OR4F15: variants seen among roughly 807,000 people sequenced by gnomAD.
OR4F15 encodes olfactory receptor 4F15.
OR4F15 carries 7 observed loss-of-function variants against 11.9 expected under a neutral mutation model. The ratio of observed to expected loss-of-function variants is 0.59; its 90% CI spans 0.33 to 1.10. The LOEUF is 1.10. Ranked by LOEUF, OR4F15 falls within the 50% of genes least tolerant of loss-of-function variation. The probability of loss-of-function intolerance (pLI) is 0.03; values close to 1 mark genes in which losing one functional copy is unlikely to be tolerated. For synonymous variants in OR4F15, 151 were observed against 134.6 expected (o/e 1.12, Z -0.84); for missense variants, 445 against 377.5 (o/e 1.18, Z -1.48).
Position 101,818,672 on chromosome 15 carries a change from TG to T in OR4F15, c.487del (p.Val163TrpfsTer2). The T allele has an allele frequency of 6.2e-7, 1 of 1,614,212 alleles. No individual in the cohort carries two copies. Among genetic ancestry groups the T allele is most frequent in the Non-Finnish European group, 8.5e-7 (1 of 1,180,030 alleles). ...LIHSLVQLVF[V>X]VDLPFCGPNI... The stretch of plus-strand genomic sequence containing the variant: ...TCCACTCATTGGTCCAATTAGTTTT[TG>T]TGGTAGATTTACCTTTTTGTGGTCC... On this transcript the variant is annotated frameshift_variant, in exon 2 of 2. Transcript: ENST00000332238. LOFTEE classifies it high-confidence loss of function.
rs1393459360 is a variant in OR4F15, at chr15:101,819,153, A to G, written c.*28A>G. The G allele has an allele frequency of 4.2e-6, 6 of 1,437,472 alleles. No individual in the cohort carries two copies. Among genetic ancestry groups the G allele is most frequent in the Non-Finnish European group, 4.8e-6 (5 of 1,046,544 alleles). 89.0% of individuals were successfully genotyped at this position (1,437,472 alleles called of 1,614,324 possible). Reference sequence around the variant, plus strand: ...GGCTTGGCTGTCAAGATGTGTAACTATGGATTACTCCTCATGCTGATTGCA... The same window carrying G: ...GGCTTGGCTGTCAAGATGTGTAACTGTGGATTACTCCTCATGCTGATTGCA... On this transcript the variant is annotated 3_prime_UTR_variant, in exon 2 of 2. Coordinates refer to ENST00000332238, the MANE Select transcript of OR4F15 (RefSeq NM_001001674.2).
intron 1 of OR4F15, among the ~76,000 whole-genome samples, chr15:101,812,798 T>C (rs565277679): frequency 2.0e-4 from 31 of 152,284 alleles, no homozygotes; most frequent in African/African-American, 7.2e-4. Context: ...TAAAATTAGT[T>C]GATTGAAGAA....
intron 1 of OR4F15, among the ~76,000 whole-genome samples, chr15:101,813,476 T>C (rs962072606): frequency 1.4e-5 from 2 of 139,340 alleles, no homozygotes; most frequent in Non-Finnish European, 3.0e-5. Flanking sequence ...GCCATGGCAA[T>C]CCAGCCTGGG....
chr15:101,818,770 T>G lies in OR4F15; in HGVS notation c.584T>G (p.Leu195Arg), dbSNP rs1252563127. The G allele has an allele frequency of 2.5e-6, 4 of 1,614,132 alleles. No homozygotes were observed. The highest frequency in any genetic ancestry group is 1.6e-4 in the Middle Eastern group (1 of 6,062). Residue 195 changes from leucine to arginine, a missense_variant, in exon 2 of 2, where the codon CTG becomes CGG. Coordinates refer to ENST00000332238, the MANE Select transcript of OR4F15 (RefSeq NM_001001674.2). ...CTTGCCTGTACCAACACCCAAGAAC[T>G]GGAGTTCATGGTCACTGTCAATAGT... ...LRLACTNTQE[L>R]EFMVTVNSGL... is the part of the protein sequence containing the mutation.
In OR4F15 at chr15:101,818,993, A is replaced by G. The variant is rs1307776547; in HGVS notation, c.807A>G (p.Lys269=). Residue 269 remains lysine (K), a synonymous_variant, in exon 2 of 2, where the codon AAA becomes AAG. Coordinates refer to ENST00000332238, the MANE Select transcript of OR4F15 (RefSeq NM_001001674.2). The part of the protein sequence containing the change: ...TWPSPTSHLD[K]YLAIFDAFIT... Reference sequence around the variant, plus strand: ...CTTCTCCCACATCACACCTGGATAAATATCTTGCTATTTTTGATGCATTTA... The same window carrying G: ...CTTCTCCCACATCACACCTGGATAAGTATCTTGCTATTTTTGATGCATTTA... 6.2e-7 allele frequency: 1 copy of G among 1,613,976 alleles called. No individual in the cohort carries two copies. The highest frequency in any genetic ancestry group is 1.3e-5 in the African/African-American group (1 of 74,894).
chr15:101,817,456 C>T (rs750734581), intron 1 of OR4F15, among the ~76,000 whole-genome samples: 13 of 152,074 alleles, frequency 8.5e-5, no homozygotes, highest in African/African-American at 2.7e-4. Flanking sequence ...TGGGAGCTAC[C>T]GTTGTGGATC....
intron 1 of OR4F15, among the ~76,000 whole-genome samples, chr15:101,814,273 C>G (rs1292301170): frequency 6.6e-6 from 1 of 152,206 alleles, no homozygotes; most frequent in Non-Finnish European, 1.5e-5. Context: ...AGCTATTACT[C>G]TGTCTCCTGA....
chr15:101,818,457 G>C lies in OR4F15; in HGVS notation c.271G>C (p.Ala91Pro), dbSNP rs778316754. The change falls in exon 2 of 2, where the codon GCC becomes CCC. Residue 91 changes from alanine (A) to proline (P), a missense_variant. Transcript: ENST00000332238. ...TTGTGATATTTTCAAGAAGCACAAG[G>C]CCATCTCCTTTCGGGGATGTATTAC... ...MICDIFKKHKAISFRGCITQI... is the reference protein window; with the variant it reads ...MICDIFKKHKPISFRGCITQI... The C allele has an allele frequency of 4.3e-6, 7 of 1,613,980 alleles. No homozygotes were observed. Among genetic ancestry groups the C allele is most frequent in the Middle Eastern group, 1.6e-4 (1 of 6,084 alleles).
intron 1 of OR4F15, among the ~76,000 whole-genome samples, chr15:101,813,425 C>T (rs749920825): frequency 2.5e-4 from 38 of 150,362 alleles, no homozygotes; most frequent in Non-Finnish European, 1.6e-4. Context: ...TACAGAATCG[C>T]TTAAACCTAG....
chr15:101,813,324 C>G (rs1902935571), intron 1 of OR4F15, among the ~76,000 whole-genome samples: 1 of 152,054 alleles, frequency 6.6e-6, no homozygotes, highest in Non-Finnish European at 1.5e-5. Context: ...GCCTGGCCAA[C>G]ATGGTGAAAC....
rs140430171 is a variant in OR4F15 at position 101,812,588 on chromosome 15, C to A, written c.-38+316C>A. 5.3e-5 allele frequency among the ~76,000 whole-genome samples: 8 copies of A among 152,154 alleles called. 1 individual carries two copies. The highest frequency in any genetic ancestry group is 1.0e-4 in the Non-Finnish European group (7 of 68,000). The stretch of plus-strand genomic sequence containing the variant: ...ACATGCTTGTTGTCTTCCTAACAAG[C>A]TTGTTGTTTACTTCTATTTCTAGAG... On this transcript the variant is annotated intron_variant, in intron 1 of 1. Transcript: ENST00000332238.
In OR4F15 at chr15:101,818,404, T is replaced by C. The variant is rs773381272; in HGVS notation, c.218T>C (p.Phe73Ser). Reference protein sequence around the residue: ...LANLSIIDMAFCSITAPKMIC... With the variant: ...LANLSIIDMASCSITAPKMIC... The stretch of plus-strand genomic sequence containing the variant: ...AACCTCTCAATCATTGATATGGCAT[T>C]TTGCTCAATTACAGCCCCTAAGATG... The change falls in exon 2 of 2, where the codon TTT becomes TCT. Residue 73 changes from phenylalanine (F) to serine (S), a missense_variant. Phe to Ser is a radical substitution (Grantham distance 155). Coordinates refer to ENST00000332238, the MANE Select transcript of OR4F15 (RefSeq NM_001001674.2). 9.9e-6 allele frequency: 16 copies of C among 1,614,014 alleles called. No homozygotes were observed. Among genetic ancestry groups the C allele is most frequent in the Non-Finnish European group, 2.5e-6 (3 of 1,179,980 alleles).
Position 101,818,774 on chromosome 15 carries a change from G to A in OR4F15, c.588G>A (p.Glu196=), listed in dbSNP as rs777636066. 1.9e-6 allele frequency: 3 copies of A among 1,614,082 alleles called. No individual in the cohort carries two copies. Among genetic ancestry groups the A allele is most frequent in the South Asian group, 1.1e-5 (1 of 91,078 alleles). Residue 196 remains glutamate, a synonymous_variant, in exon 2 of 2, where the codon GAG becomes GAA. Transcript: ENST00000332238. ...RLACTNTQEL[E]FMVTVNSGLI... ...CCTGTACCAACACCCAAGAACTGGAGTTCATGGTCACTGTCAATAGTGGAC... is the reference window on the plus strand; with the variant it reads ...CCTGTACCAACACCCAAGAACTGGAATTCATGGTCACTGTCAATAGTGGAC...
At position 101,818,705 on chromosome 15, in the gene OR4F15, C is replaced by A; in HGVS notation, c.519C>A (p.Ile173=). Residue 173 remains isoleucine, a synonymous_variant, in exon 2 of 2, where the codon ATC becomes ATA. Transcript: ENST00000332238. ...VVDLPFCGPN[I]FDSFYCDLPR... ...ATTTACCTTTTTGTGGTCCTAATAT[C>A]TTTGACAGTTTTTACTGTGATCTCC... 1 of 1,614,134 alleles carries A rather than the reference C, an allele frequency of 6.2e-7. No individual in the cohort carries two copies. Among genetic ancestry groups the A allele is most frequent in the South Asian group, 1.1e-5 (1 of 91,076 alleles).
At chr15:101,814,462 C>G (rs1012571276) in intron 1 of OR4F15, among the ~76,000 whole-genome samples, 2 of 151,848 alleles carry the variant, frequency 1.3e-5, no homozygotes, top group Admixed American at 1.3e-4. Context: ...GCAATGTAAG[C>G]AAAACAAGGG....
Position 101,818,933 on chromosome 15 carries a change from G to C in OR4F15, c.747G>C (p.Leu249Phe). The stretch of plus-strand genomic sequence containing the variant: ...CAGCTCATGTCACTGTGGTCATCTT[G>C]TTCTTTGGGCCACTGATGTTTTTCT... Reference protein sequence around the residue: ...TLSAHVTVVILFFGPLMFFYT... With the variant: ...TLSAHVTVVIFFFGPLMFFYT... The change falls in exon 2 of 2, where the codon TTG (leucine) becomes TTC (phenylalanine). Residue 249 changes from leucine (L) to phenylalanine (F), a missense_variant. Transcript: ENST00000332238. 6.2e-7 allele frequency: 1 copy of C among 1,614,086 alleles called. No homozygotes were observed. The highest frequency in any genetic ancestry group is 8.5e-7 in the Non-Finnish European group (1 of 1,180,008).
intron 1 of OR4F15, among the ~76,000 whole-genome samples, chr15:101,817,578 T>C (rs1903012261): frequency 6.6e-6 from 1 of 152,014 alleles, no homozygotes; most frequent in Non-Finnish European, 1.5e-5. Context: ...GAATACAGAG[T>C]CTGGGGCACA....
At chr15:101,814,793 T>C (rs534650940) in intron 1 of OR4F15, among the ~76,000 whole-genome samples, 1 of 152,206 alleles carries the variant, frequency 6.6e-6, no homozygotes, top group African/African-American at 2.4e-5. Flanking sequence ...TTGAGTAAAC[T>C]TTACACAGAA....
chr15:101,818,614 AC>A lies in OR4F15; in HGVS notation c.429del (p.Leu145Ter). 1 of 1,614,122 alleles carries A rather than the reference AC, an allele frequency of 6.2e-7. No individual in the cohort carries two copies. The highest frequency in any genetic ancestry group is 8.5e-7 in the Non-Finnish European group (1 of 1,180,014). ...ATCATGAGCCCAAGAATGTGTCTAT[AC>A]TTTTTAGCCACTTCCTCTATCATTG... The part of the protein sequence containing the change: ...LTIMSPRMCL[Y>X]FLATSSIIGL... On this transcript the variant is annotated frameshift_variant, in exon 2 of 2. Coordinates refer to ENST00000332238, the MANE Select transcript of OR4F15 (RefSeq NM_001001674.2). LOFTEE classifies it high-confidence loss of function.
Sources: gnomAD v4.1 joint callset for allele counts (sites outside exome capture counted in the v4.1 genomes callset) on GRCh38, gnomAD v4.1.1 for gene constraint, MANE v1.5 for transcripts, NCBI Gene and HGNC (gene_info 2026-07-23, HGNC 2026-07-21) for gene names.